RALYL: variants seen among roughly 807,000 people sequenced by gnomAD.
The protein encoded by RALYL is RALY RNA binding protein like.
Under a neutral mutation model 35.1 loss-of-function variants are expected in RALYL, and 29 were observed. The observed-to-expected ratio is 0.83, with a 90% CI of 0.61 to 1.13. The LOEUF (loss-of-function observed/expected upper bound fraction) is 1.13, where lower values mean the gene tolerates loss of function less well. RALYL is among the 50% of genes most tolerant of loss of function. RALYL has a pLI of 0.00. For synonymous variants in RALYL, 120 were observed against 127.6 expected, an observed-to-expected ratio of 0.94 and a Z score of 0.40; for missense variants, 359 against 360.4, an observed-to-expected ratio of 1.00 and a Z score of 0.03.
intron 1 of RALYL, among the ~76,000 whole-genome samples, chr8:84,323,644 G>C (rs779713961): frequency 6.6e-5 from 10 of 151,988 alleles, no homozygotes; most frequent in Non-Finnish European, 1.3e-4. Context: ...GTAGGTAAAG[G>C]CACTTGAAAT....
chr8:84,601,202 G>T (rs1459293045), intron 2 of RALYL, among the ~76,000 whole-genome samples: 6 of 152,064 alleles, frequency 3.9e-5, no homozygotes, highest in Non-Finnish European at 8.8e-5. Context: ...TGTTATGTAT[G>T]ACCTACATTT....
chr8:84,706,689 C>A (rs1841276344), intron 2 of RALYL, among the ~76,000 whole-genome samples: 1 of 152,120 alleles, frequency 6.6e-6, no homozygotes, highest in East Asian at 1.9e-4. Context: ...AGCACAATTA[C>A]CCTGGCGTAA....
intron 2 of RALYL, among the ~76,000 whole-genome samples, chr8:84,617,003 T>C: frequency 6.6e-6 from 1 of 150,670 alleles, no homozygotes. Flanking sequence ...AGCCTTGTAG[T>C]ATAGTTTGAA....
chr8:84,521,959 C>T (rs2058493541), intron 1 of RALYL, among the ~76,000 whole-genome samples: 1 of 152,010 alleles, frequency 6.6e-6, no homozygotes, highest in Non-Finnish European at 1.5e-5. Flanking sequence ...ACATTATTTG[C>T]TCTAACAAAA....
intron 1 of RALYL, among the ~76,000 whole-genome samples, chr8:84,454,765 C>A (rs2049943914): frequency 6.6e-6 from 1 of 152,076 alleles, no homozygotes; most frequent in Non-Finnish European, 1.5e-5. Flanking sequence ...AATAGAGTCA[C>A]AACTTCTATG....
At chr8:84,432,645 G>A (rs1197514712) in intron 1 of RALYL, among the ~76,000 whole-genome samples, 4 of 152,062 alleles carry the variant, frequency 2.6e-5, no homozygotes, top group African/African-American at 9.7e-5. Flanking sequence ...GATATAATTA[G>A]TTAAGATGAA....
chr8:84,434,810 A>G (rs975036191), intron 1 of RALYL, among the ~76,000 whole-genome samples: 1 of 152,070 alleles, frequency 6.6e-6, no homozygotes, highest in Admixed American at 6.6e-5. Flanking sequence ...ATGTCTGGCA[A>G]ATTAAAAAAA....
chr8:84,513,105 T>C (rs1442337503), intron 1 of RALYL, among the ~76,000 whole-genome samples: 2 of 152,196 alleles, frequency 1.3e-5, no homozygotes, highest in Non-Finnish European at 2.9e-5. Flanking sequence ...GTAGATTGCT[T>C]TGGGTGGTAT....
At chr8:84,891,447 G>A (rs982506227) in intron 8 of RALYL, among the ~76,000 whole-genome samples, 2 of 152,146 alleles carry the variant, frequency 1.3e-5, no homozygotes, top group Non-Finnish European at 2.9e-5. Flanking sequence ...CAATATGTCT[G>A]AAAGAGCAAG....
At chr8:84,240,122 A>G (rs1827546217) in intron 1 of RALYL, among the ~76,000 whole-genome samples, 1 of 152,184 alleles carries the variant, frequency 6.6e-6, no homozygotes, top group Admixed American at 6.5e-5. Context: ...ATTATTGTAG[A>G]CACACTAAAT....
chr8:84,491,310 CTTATT>C lies in RALYL; in HGVS notation c.-23-37981_-23-37977del, dbSNP rs916920342. 3.3e-5 allele frequency among the ~76,000 whole-genome samples: 5 copies of C among 151,890 alleles called. No individual in the cohort carries two copies. The East Asian group carries it at 5.8e-4, about 18-fold the overall frequency. On this transcript the variant is annotated intron_variant, in intron 1 of 8. Transcript: ENST00000521268. Reference sequence around the variant, plus strand: ...TATAAAAACAGCATTCAAAATATGGCTTATTTTATTTTTCCCCTTTTTCTTACTCT... The same window carrying C: ...TATAAAAACAGCATTCAAAATATGGCTTATTTTTCCCCTTTTTCTTACTCT...
chr8:84,562,093 C>A (rs1011483781), intron 2 of RALYL, among the ~76,000 whole-genome samples: 1 of 151,874 alleles, frequency 6.6e-6, no homozygotes, highest in African/African-American at 2.4e-5. Context: ...CTTCCAAATG[C>A]TTATGTTAGG....
At chr8:84,480,588 G>A (rs1184513858) in intron 1 of RALYL, among the ~76,000 whole-genome samples, 2 of 152,146 alleles carry the variant, frequency 1.3e-5, no homozygotes, top group Admixed American at 1.3e-4. Flanking sequence ...GATTTTTACA[G>A]GATGTAAGCA....
At chr8:84,574,072 T>A (rs1248226203) in intron 2 of RALYL, among the ~76,000 whole-genome samples, 1 of 152,014 alleles carries the variant, frequency 6.6e-6, no homozygotes, top group Non-Finnish European at 1.5e-5. Flanking sequence ...GATGTCATTG[T>A]TGAGTTTAGT....
intron 2 of RALYL, among the ~76,000 whole-genome samples, chr8:84,754,049 A>G (rs1437625363): frequency 6.6e-6 from 1 of 151,968 alleles, no homozygotes; most frequent in East Asian, 1.9e-4. Flanking sequence ...GCCCTTTGTC[A>G]GATGAGTAGG....
chr8:84,185,248 C>G (rs1026425634), intron 1 of RALYL: 22 of 567,070 alleles, frequency 3.9e-5, no homozygotes, highest in African/African-American at 2.8e-4. Flanking sequence ...TAAAAAAATG[C>G]CTTTTATTTA....
chr8:84,257,230 T>C (rs1218042067), intron 1 of RALYL, among the ~76,000 whole-genome samples: 1 of 152,062 alleles, frequency 6.6e-6, no homozygotes, highest in Non-Finnish European at 1.5e-5. Flanking sequence ...AGAAAAAGAT[T>C]GCGTGAATCA....
intron 2 of RALYL, among the ~76,000 whole-genome samples, chr8:84,714,806 A>T (rs1842717050): frequency 6.6e-6 from 1 of 151,882 alleles, no homozygotes; most frequent in Admixed American, 6.6e-5. Flanking sequence ...AAAAGGGGAG[A>T]GGTGGGTATA....
intron 2 of RALYL, among the ~76,000 whole-genome samples, chr8:84,689,542 G>A (rs1837574551): frequency 6.6e-6 from 1 of 152,054 alleles, no homozygotes; most frequent in South Asian, 2.1e-4. Context: ...AAACATACGT[G>A]TGCATGTGTC....
Sources: gnomAD v4.1 joint callset for allele counts (sites outside exome capture counted in the v4.1 genomes callset) on GRCh38, gnomAD v4.1.1 for gene constraint, MANE v1.5 for transcripts, NCBI Gene and HGNC (gene_info 2026-07-23, HGNC 2026-07-21) for gene names.